The following FRMD4A variants were observed in gnomAD, a reference collection of about 807,000 sequenced individuals.
The protein encoded by FRMD4A is FERM domain-containing protein 4A.
Under a neutral mutation model 129.1 loss-of-function variants are expected in FRMD4A, and 29 were observed. The ratio of observed to expected loss-of-function variants is 0.22; its 90% CI spans 0.17 to 0.31. The LOEUF is 0.31. Ranked by LOEUF, FRMD4A falls within the 10% of genes least tolerant of loss-of-function variation. The pLI is 1.00. For missense variants in FRMD4A, 1,272 were observed against 1,375.8 expected (o/e 0.92, Z 1.19); for synonymous variants, 634 against 571.6 (o/e 1.11, Z -1.56).
intron 15 of FRMD4A, among the ~76,000 whole-genome samples, chr10:13,682,662 G>T (rs561290847): frequency 6.6e-6 from 1 of 151,556 alleles, no homozygotes; most frequent in Non-Finnish European, 1.5e-5. Context: ...CACCACGCCC[G>T]GCTAATTTTT....
intron 2 of FRMD4A, among the ~76,000 whole-genome samples, chr10:14,146,032 G>A (rs893466988): frequency 3.3e-5 from 5 of 152,180 alleles, no homozygotes; most frequent in African/African-American, 1.2e-4. Context: ...CGGCTTAGTG[G>A]TTAAAAGCTC....
chr10:13,896,862 C>G (rs1266722349), intron 2 of FRMD4A, among the ~76,000 whole-genome samples: 1 of 152,186 alleles, frequency 6.6e-6, no homozygotes, highest in African/African-American at 2.4e-5. Context: ...ATGGTCTGTT[C>G]CCCGAAGAGC....
At chr10:13,914,110 G>T (rs2094973760) in intron 2 of FRMD4A, among the ~76,000 whole-genome samples, 1 of 152,184 alleles carries the variant, frequency 6.6e-6, no homozygotes, top group Admixed American at 6.5e-5. Flanking sequence ...GGAAGGCGCG[G>T]GCAGATGCCT....
intron 2 of FRMD4A, among the ~76,000 whole-genome samples, chr10:14,055,471 ACAC>A (rs1565216293): frequency 0.012 from 1,369 of 110,404 alleles, 19 homozygotes; most frequent in African/African-American, 0.048. Context: ...AAACACACAC[ACAC>A]ACACACACAC....
chr10:13,743,572 C>A (rs964959393), intron 9 of FRMD4A, among the ~76,000 whole-genome samples: 3 of 152,058 alleles, frequency 2.0e-5, no homozygotes, highest in Admixed American at 6.5e-5. Context: ...AAGTCAAAAC[C>A]ACTGTCAGAA....
intron 2 of FRMD4A, among the ~76,000 whole-genome samples, chr10:14,005,297 C>G (rs2095658375): frequency 6.6e-6 from 1 of 152,178 alleles, no homozygotes; most frequent in South Asian, 2.1e-4. Flanking sequence ...GCTGGGATTA[C>G]AGGTGTGAGC....
intron 2 of FRMD4A, among the ~76,000 whole-genome samples, chr10:13,922,003 C>A (rs2095078424): frequency 6.6e-6 from 1 of 152,020 alleles, no homozygotes; most frequent in African/African-American, 2.4e-5. Flanking sequence ...AAGGGTGGAG[C>A]CTGCATGTTG....
intron 2 of FRMD4A, among the ~76,000 whole-genome samples, chr10:14,277,194 A>T (rs954167388): frequency 5.9e-5 from 9 of 152,248 alleles, no homozygotes; most frequent in Admixed American, 2.6e-4. Context: ...ACCACATGAG[A>T]TTCTCAGAAG....
intron 2 of FRMD4A, among the ~76,000 whole-genome samples, chr10:14,126,730 C>G (rs544927485): frequency 2.1e-3 from 323 of 152,280 alleles, no homozygotes; most frequent in Non-Finnish European, 3.3e-3. Flanking sequence ...TCTGAATCAC[C>G]TTGCAGAGAG....
chr10:13,698,925 C>G (rs1044017462), intron 14 of FRMD4A, among the ~76,000 whole-genome samples: 1 of 152,132 alleles, frequency 6.6e-6, no homozygotes, highest in Non-Finnish European at 1.5e-5. Context: ...CTTCTGGGAG[C>G]GTGGGCATTT....
At position 13,737,654 on chromosome 10, in the gene FRMD4A, G is replaced by GA. The variant is rs992393208; in HGVS notation, c.759+189dup. On this transcript the variant is annotated intron_variant, in intron 12 of 24. Transcript: ENST00000357447. ...GCTTAGATTTCCTTAGAGACAGGGA[G>GA]AAAAAAAAGAAAAAATATTTACCCA... 4.0e-5 allele frequency among the ~76,000 whole-genome samples: 6 copies of GA among 151,686 alleles called. No homozygotes were observed. In the East Asian group the frequency reaches 5.8e-4, roughly 15 times the overall value.
At chr10:13,904,957 C>T (rs1323578801) in intron 2 of FRMD4A, among the ~76,000 whole-genome samples, 2 of 147,080 alleles carry the variant, frequency 1.4e-5, no homozygotes. Flanking sequence ...TGTGCCACTG[C>T]ACTCCAGCCT....
At chr10:13,884,156 T>TCACACA (rs1286449818) in intron 2 of FRMD4A, among the ~76,000 whole-genome samples, 1 of 29,610 alleles carries the variant, frequency 3.4e-5, no homozygotes, top group Non-Finnish European at 8.3e-5. Flanking sequence ...TCACACACTC[T>TCACACA]CACACACACA....
intron 2 of FRMD4A, among the ~76,000 whole-genome samples, chr10:14,231,602 T>C (rs1259304177): frequency 6.6e-6 from 1 of 152,242 alleles, no homozygotes; most frequent in Non-Finnish European, 1.5e-5. Flanking sequence ...CATCTTGGCC[T>C]CCCAAAGTGC....
chr10:14,128,035 C>CCTTT (rs1237526202), intron 2 of FRMD4A, among the ~76,000 whole-genome samples: 1 of 121,020 alleles, frequency 8.3e-6, no homozygotes, highest in Admixed American at 9.8e-5. Context: ...TTCCTTCCTT[C>CCTTT]CTTTCTTTCC....
chr10:13,850,814 C>T (rs543201333), intron 3 of FRMD4A, among the ~76,000 whole-genome samples: 82 of 152,344 alleles, frequency 5.4e-4, no homozygotes, highest in East Asian at 1.7e-3. Flanking sequence ...TCACTAGCTA[C>T]GTGACCTTGA....
intron 2 of FRMD4A, among the ~76,000 whole-genome samples, chr10:13,967,772 G>A (rs762070709): frequency 1.3e-5 from 2 of 152,348 alleles, no homozygotes; most frequent in South Asian, 2.1e-4. Context: ...TAGGCTGAGC[G>A]CAGTGGTTCA....
rs760534756 is a variant in FRMD4A at position 14,236,139 on chromosome 10, C to A, written c.45+93919G>T. ...AAAAGGGATGCTCTTCGCGCACTTG[C>A]CTTCAACTTGATGGCAAAAGACATC... is the stretch of plus-strand genomic sequence containing the variant. On this transcript the variant is annotated intron_variant, in intron 2 of 24. Coordinates refer to ENST00000357447, the MANE Select transcript of FRMD4A (RefSeq NM_018027.5). 7.9e-5 allele frequency among the ~76,000 whole-genome samples: 12 copies of A among 152,344 alleles called. No homozygotes were observed. The South Asian group carries it at 1.0e-3, about 13-fold the overall frequency.
At chr10:14,291,806 A>T (rs926251284) in intron 2 of FRMD4A, among the ~76,000 whole-genome samples, 2 of 151,854 alleles carry the variant, frequency 1.3e-5, no homozygotes, top group African/African-American at 2.4e-5. Flanking sequence ...ATAAAAAACT[A>T]TATACATATA....
Sources: allele counts gnomAD v4.1 joint callset (sites outside exome capture counted in the v4.1 genomes callset), GRCh38; gene constraint gnomAD v4.1.1; transcripts MANE v1.5; gene names NCBI Gene and HGNC (gene_info 2026-07-23, HGNC 2026-07-21).